Variants in SLC45A3 observed in about 807,000 individuals in gnomAD.
SLC45A3 encodes the protein prostate cancer associated protein 2.
Under a neutral mutation model 35.3 loss-of-function variants are expected in SLC45A3, and 17 were observed. That is an observed-to-expected ratio of 0.48 (90% CI 0.33 to 0.72). The LOEUF (loss-of-function observed/expected upper bound fraction) is 0.72, where lower values mean the gene tolerates loss of function less well. Ranked by LOEUF, SLC45A3 falls within the 30% of genes least tolerant of loss-of-function variation. The pLI is 0.02. For missense variants in SLC45A3, 597 were observed against 731.7 expected (o/e 0.82, Z 2.12); for synonymous variants, 288 against 334.3 (o/e 0.86, Z 1.51).
At position 205,659,008 on chromosome 1, in the gene SLC45A3, A is replaced by T. The variant is rs1372109292; in HGVS notation, c.*226T>A. 1.8e-5 allele frequency: 10 copies of T among 556,376 alleles called. No homozygotes were observed. Among genetic ancestry groups the T allele is most frequent in the Non-Finnish European group, 2.2e-5 (7 of 314,184 alleles). The allele number at this position is 556,376 out of a possible 1,614,324, so 34.5% of individuals were successfully genotyped here. A position where few individuals can be genotyped will look rare whatever the true frequency, so the allele number is the denominator to read the frequency against. On this transcript the variant is annotated 3_prime_UTR_variant, in exon 5 of 5. Coordinates refer to ENST00000367145, the MANE Select transcript of SLC45A3 (RefSeq NM_033102.3). This position sits in a 1 kb window ranked among gnomAD's most constrained non-coding sequence, Gnocchi z 5.8. The stretch of plus-strand genomic sequence containing the variant: ...AAGTCCAGACTGAAACCCCCTTGGA[A>T]GGCCTCCAGTCAGGCAGCCCTAGAG...
At position 205,672,414 on chromosome 1, in the gene SLC45A3, C is replaced by G. The variant is rs550462218; in HGVS notation, c.-230-7528G>C. 2.2e-4 allele frequency among the ~76,000 whole-genome samples: 34 copies of G among 152,272 alleles called. 1 individual carries two copies. In the South Asian group the frequency reaches 7.0e-3, roughly 32 times the overall value. On this transcript the variant is annotated intron_variant, in intron 1 of 4. Transcript: ENST00000367145. ...AAGATCCCATAGTTATGAGACAGCA[C>G]GATTTCCATCCACAGGGAAAATGAA... is the stretch of plus-strand genomic sequence containing the variant.
At position 205,669,024 on chromosome 1, in the gene SLC45A3, G is replaced by C. The variant is rs546245656; in HGVS notation, c.-230-4138C>G. On this transcript the variant is annotated intron_variant, in intron 1 of 4. Coordinates refer to ENST00000367145, the MANE Select transcript of SLC45A3 (RefSeq NM_033102.3). This position sits in a 1 kb window ranked among gnomAD's most constrained non-coding sequence, Gnocchi z 4.1. ...CCAATATGTGACACCCCCAGGGCTG[G>C]CTCCCACCCCAGCAAGAAAAGGGGC... Among the ~76,000 whole-genome samples the C allele has an allele frequency of 2.0e-5, 3 of 152,280 alleles. No individual in the cohort carries two copies. The highest frequency in any genetic ancestry group is 4.8e-5 in the African/African-American group (2 of 41,562).
rs17347787 is a variant in SLC45A3 at position 205,659,180 on chromosome 1, G to A, written c.*54C>T. ...GCAGCCCCATGGGGCTAACAGGAGC[G>A]GGGAGCTGGGACCCAGTGAGGCAGG... On this transcript the variant is annotated 3_prime_UTR_variant, in exon 5 of 5. Transcript: ENST00000367145. The surrounding 1 kb of genome is among the most constrained non-coding windows in gnomAD (Gnocchi z 5.8). The A allele has an allele frequency of 0.086, 131,651 of 1,537,232 alleles. 6,295 individuals are homozygous for A. Among genetic ancestry groups the A allele is most frequent in the Middle Eastern group, 0.16 (855 of 5,394 alleles).
chr1:205,675,515 C>T (rs1283597636), intron 1 of SLC45A3, among the ~76,000 whole-genome samples: 1 of 152,094 alleles, frequency 6.6e-6, no homozygotes, highest in Non-Finnish European at 1.5e-5. Context: ...GCCCTTGGAG[C>T]CTGGGACTTC....
intron 1 of SLC45A3, among the ~76,000 whole-genome samples, chr1:205,671,355 G>A (rs1671211717): frequency 6.6e-6 from 1 of 152,138 alleles, no homozygotes; most frequent in Non-Finnish European, 1.5e-5. Flanking sequence ...TCCAAACCAG[G>A]ACCAGCAGTG....
chr1:205,662,781 G>T lies in SLC45A3; in HGVS notation c.958+52C>A. ...CAGCCCAGACACAGCCCCGAGTGTC[G>T]TCTCTGGTGGGCGGCTCCCACACCA... is the stretch of plus-strand genomic sequence containing the variant. On this transcript the variant is annotated intron_variant, in intron 3 of 4. Transcript: ENST00000367145. This position sits in a 1 kb window ranked among gnomAD's most constrained non-coding sequence, Gnocchi z 6.2. The T allele has an allele frequency of 6.6e-7, 1 of 1,522,688 alleles. No homozygotes were observed. The allele number at this position is 1,522,688 out of a possible 1,614,324, so 94.3% of individuals were successfully genotyped here.
chr1:205,663,721 C>T lies in SLC45A3; in HGVS notation c.173-103G>A, dbSNP rs1384161319. 7.8e-6 allele frequency: 9 copies of T among 1,154,670 alleles called. No individual in the cohort carries two copies. The East Asian group carries it at 1.5e-4, about 19-fold the overall frequency. 71.5% of individuals were successfully genotyped at this position (1,154,670 alleles called of 1,614,324 possible). A position where few individuals can be genotyped will look rare whatever the true frequency, so the allele number is the denominator to read the frequency against. The stretch of plus-strand genomic sequence containing the variant: ...AAGGATGGAAATAACATTCCGTACT[C>T]GACACTGTGCTACGTCTTCACAGGG... On this transcript the variant is annotated intron_variant, in intron 2 of 4. Transcript: ENST00000367145.
intron 1 of SLC45A3, among the ~76,000 whole-genome samples, chr1:205,667,172 C>T (rs1671133032): frequency 6.6e-6 from 1 of 152,106 alleles, no homozygotes; most frequent in South Asian, 2.1e-4. Flanking sequence ...AGCTTAAGAA[C>T]AGCCTGGGCA....
chr1:205,662,791 GGCGGCTCCCACACCA>G lies in SLC45A3; in HGVS notation c.958+27_958+41del. 1.3e-6 allele frequency: 2 copies of G among 1,533,326 alleles called. No individual in the cohort carries two copies. The highest frequency in any genetic ancestry group is 1.8e-6 in the Non-Finnish European group (2 of 1,138,630). The allele number at this position is 1,533,326 out of a possible 1,614,324, so 95.0% of individuals were successfully genotyped here. On this transcript the variant is annotated intron_variant, in intron 3 of 4. Coordinates refer to ENST00000367145, the MANE Select transcript of SLC45A3 (RefSeq NM_033102.3). The surrounding 1 kb of genome is among the most constrained non-coding windows in gnomAD (Gnocchi z 6.2). Reference sequence around the variant, plus strand: ...ACAGCCCCGAGTGTCGTCTCTGGTGGGCGGCTCCCACACCAGCCTCTGCTGGCTGCCAAGGCCTTA... The same window carrying G: ...ACAGCCCCGAGTGTCGTCTCTGGTGGGCCTCTGCTGGCTGCCAAGGCCTTA...
At chr1:205,675,001 C>T (rs1196631471) in intron 1 of SLC45A3, among the ~76,000 whole-genome samples, 1 of 152,218 alleles carries the variant, frequency 6.6e-6, no homozygotes, top group African/African-American at 2.4e-5. Flanking sequence ...CAGGCGTGAG[C>T]CACCGCGCCC....
rs1670964168 is a variant in SLC45A3 at position 205,658,726 on chromosome 1, A to G, written c.*508T>C. ...TGTTGCCCCTCAGGACTCTTCCCCTACAAATAACTTTCATATGTTCAAATC... is the reference window on the plus strand; with the variant it reads ...TGTTGCCCCTCAGGACTCTTCCCCTGCAAATAACTTTCATATGTTCAAATC... On this transcript the variant is annotated 3_prime_UTR_variant, in exon 5 of 5. Transcript: ENST00000367145. 1 of 238,636 alleles carries G rather than the reference A, an allele frequency of 4.2e-6. No individual in the cohort carries two copies. The highest frequency in any genetic ancestry group is 5.1e-5 in the Admixed American group (1 of 19,422). 14.8% of individuals were successfully genotyped at this position (238,636 alleles called of 1,614,324 possible). A position where few individuals can be genotyped will look rare whatever the true frequency, so the allele number is the denominator to read the frequency against.
In SLC45A3 at chr1:205,669,830, G is replaced by A. The variant is rs528923509; in HGVS notation, c.-230-4944C>T. 3.2e-4 allele frequency among the ~76,000 whole-genome samples: 49 copies of A among 152,298 alleles called. No individual in the cohort carries two copies. The highest frequency in any genetic ancestry group is 1.0e-3 in the African/African-American group (43 of 41,572). Reference sequence around the variant, plus strand: ...GAATAATGACTCAGCTGAGGAAAGCGGGTGGGGTCACCCTGGGCCAACCTC... The same window carrying A: ...GAATAATGACTCAGCTGAGGAAAGCAGGTGGGGTCACCCTGGGCCAACCTC... On this transcript the variant is annotated intron_variant, in intron 1 of 4. Transcript: ENST00000367145. This position sits in a 1 kb window ranked among gnomAD's most constrained non-coding sequence, Gnocchi z 4.1.
Position 205,666,897 on chromosome 1 carries a change from G to A in SLC45A3, c.-230-2011C>T, listed in dbSNP as rs1177976302. Among the ~76,000 whole-genome samples the A allele has an allele frequency of 6.6e-6, 1 of 152,182 alleles. No individual in the cohort carries two copies. Among genetic ancestry groups the A allele is most frequent in the South Asian group, 2.1e-4 (1 of 4,820 alleles). On this transcript the variant is annotated intron_variant, in intron 1 of 4. Transcript: ENST00000367145. This position sits in a 1 kb window ranked among gnomAD's most constrained non-coding sequence, Gnocchi z 4.1. ...CCAGCCTAAAGGGAGGGGTTCTGCG[G>A]CCAAAGGCTTCCAGCCCATTCCACT...
At position 205,669,644 on chromosome 1, in the gene SLC45A3, C is replaced by T. The variant is rs1252809934; in HGVS notation, c.-230-4758G>A. ...CAGGCACATCAAACGGCTGTAGCCC[C>T]CACCCTGACCCCGCAGGCTCAGCGA... On this transcript the variant is annotated intron_variant, in intron 1 of 4. Transcript: ENST00000367145. This position sits in a 1 kb window ranked among gnomAD's most constrained non-coding sequence, Gnocchi z 4.1. Among the ~76,000 whole-genome samples the T allele has an allele frequency of 7.2e-5, 11 of 152,182 alleles. No homozygotes were observed. The highest frequency in any genetic ancestry group is 1.2e-4 in the Non-Finnish European group (8 of 68,036).
Position 205,664,510 on chromosome 1 carries a change from C to T in SLC45A3, c.147G>A (p.Glu49=). The change falls in exon 2 of 5, where the codon GAG becomes GAA. Residue 49 remains glutamate (E), a synonymous_variant. Transcript: ENST00000367145. This position sits in a 1 kb window ranked among gnomAD's most constrained non-coding sequence, Gnocchi z 5.3. The part of the protein sequence containing the change: ...VPPLLLEVGV[E]EKFMTMVLGI... ...CCAGCACCATGGTCATGAACTTCTC[C>T]TCTACCCCCACTTCCAGCAGCAGAG... is the stretch of plus-strand genomic sequence containing the variant. 6.2e-7 allele frequency: 1 copy of T among 1,614,192 alleles called. No homozygotes were observed. Among genetic ancestry groups the T allele is most frequent in the Non-Finnish European group, 8.5e-7 (1 of 1,180,032 alleles).
intron 1 of SLC45A3, among the ~76,000 whole-genome samples, 175 bp downstream of exon 1, chr1:205,680,219 G>A (rs554486816): frequency 6.6e-6 from 1 of 151,988 alleles, no homozygotes; most frequent in South Asian, 2.1e-4. Flanking sequence ...CGTGTGGGAC[G>A]CGCCCTCCTC....
rs763066972 is a variant in SLC45A3, at chr1:205,661,861, C to T, written c.1224G>A (p.Gln408=). Residue 408 remains glutamine, a splice_region_variant and synonymous_variant, in exon 4 of 5, where the codon CAG becomes CAA. Transcript: ENST00000367145. ...TLASLYHREK[Q]VFLPKYRGDT... is the part of the protein sequence containing the mutation. ...ACTCCACCCACTGGCCAATGAGTAC[C>T]TGCTTCTCCCGGTGGTAGAGGGAGG... 6.2e-7 allele frequency: 1 copy of T among 1,611,328 alleles called. No homozygotes were observed. The highest frequency in any genetic ancestry group is 1.1e-5 in the South Asian group (1 of 90,902).
chr1:205,664,910 G>A lies in SLC45A3; in HGVS notation c.-230-24C>T, dbSNP rs1441878596. ...TCCTAGAAGGGCGGGGCAATCACAA[G>A]CACACGGGGTGTTAAGTCCTGGGAG... On this transcript the variant is annotated intron_variant, in intron 1 of 4. Coordinates refer to ENST00000367145, the MANE Select transcript of SLC45A3 (RefSeq NM_033102.3). The surrounding 1 kb of genome is among the most constrained non-coding windows in gnomAD (Gnocchi z 5.3). 1.5e-6 allele frequency: 2 copies of A among 1,333,960 alleles called. No individual in the cohort carries two copies. Among genetic ancestry groups the A allele is most frequent in the Non-Finnish European group, 1.9e-6 (2 of 1,044,154 alleles). 82.6% of individuals were successfully genotyped at this position (1,333,960 alleles called of 1,614,324 possible).
rs767557057 is a variant in SLC45A3 at position 205,659,436 on chromosome 1, C to T, written c.1460G>A (p.Gly487Asp). Residue 487 changes from glycine (G) to aspartate (D), a missense_variant, in exon 5 of 5, where the codon GGC becomes GAC. Transcript: ENST00000367145. This position sits in a 1 kb window ranked among gnomAD's most constrained non-coding sequence, Gnocchi z 5.8. The part of the protein sequence containing the change: ...PTEARVVPGR[G>D]ICLDLAILDS... ...CAGGATGGCGAGGTCCAGGCAGATGCCCCGGCCCGGAACCACCCTGGCCTC... is the reference window on the plus strand; with the variant it reads ...CAGGATGGCGAGGTCCAGGCAGATGTCCCGGCCCGGAACCACCCTGGCCTC... The T allele has an allele frequency of 2.5e-6, 4 of 1,614,050 alleles. No homozygotes were observed. Among genetic ancestry groups the T allele is most frequent in the Non-Finnish European group, 1.7e-6 (2 of 1,179,984 alleles).
Sources: allele counts gnomAD v4.1 joint callset (sites outside exome capture counted in the v4.1 genomes callset), GRCh38; gene constraint gnomAD v4.1.1; non-coding constraint Gnocchi (gnomAD v3.1); transcripts MANE v1.5; gene names NCBI Gene and HGNC (gene_info 2026-07-23, HGNC 2026-07-21).